Variants in SPG11 observed in about 807,000 individuals in gnomAD.
SPG11 encodes spatacsin.
A neutral mutation model predicts 274.0 loss-of-function variants in SPG11; 222 were observed. That is an observed-to-expected ratio of 0.81 (90% CI 0.73 to 0.91). The LOEUF (loss-of-function observed/expected upper bound fraction) is 0.91. Among genes scored for constraint, SPG11 ranks in the 40% least tolerant of loss-of-function variants. SPG11 has a pLI of 0.00. For synonymous variants in SPG11, 1,144 were observed against 1,039.7 expected (o/e 1.10, Z -1.93); for missense variants, 3,114 against 2,872.7 (o/e 1.08, Z -1.92).
At chr15:44,599,176 C>T (rs2083120504) in intron 21 of SPG11, among the ~76,000 whole-genome samples, 3 of 151,874 alleles carry the variant, frequency 2.0e-5, no homozygotes, top group Non-Finnish European at 2.9e-5. Flanking sequence ...ATACAAACTA[C>T]GAAGAATATC....
In SPG11 at chr15:44,584,267, G is replaced by A. The variant is rs1459039865; in HGVS notation, c.5413C>T (p.Arg1805Cys). 6.2e-6 allele frequency: 10 copies of A among 1,613,750 alleles called. No homozygotes were observed. The highest frequency in any genetic ancestry group is 4.0e-5 in the African/African-American group (3 of 74,874). ...EELEKQIWLC[R>C]ITQHTLGRNQ... Reference sequence around the variant, plus strand: ...CTTCCAAGAGTGTGCTGGGTGATGCGGCACAGCCAGATCTGCTTCTCCAGC... The same window carrying A: ...CTTCCAAGAGTGTGCTGGGTGATGCAGCACAGCCAGATCTGCTTCTCCAGC... Residue 1805 changes from arginine to cysteine, a missense_variant, in exon 30 of 40, where the codon CGC becomes TGC. Transcript: ENST00000261866.
At chr15:44,611,062 A>G (rs925351107) in intron 17 of SPG11, 77 bp from the exon 18 acceptor site, 6 of 1,279,856 alleles carry the variant, frequency 4.7e-6, no homozygotes, top group African/African-American at 3.0e-5. Flanking sequence ...TGTGAGAACA[A>G]TAACATAAAT....
intron 18 of SPG11, 92 bp downstream of exon 18, chr15:44,610,747 AT>A: frequency 8.2e-7 from 1 of 1,221,098 alleles, no homozygotes; most frequent in Non-Finnish European, 1.2e-6. Flanking sequence ...GAATATAGTT[AT>A]ATTTTAATAT....
chr15:44,618,279 C>G (rs2083641719), intron 15 of SPG11, among the ~76,000 whole-genome samples: 1 of 151,378 alleles, frequency 6.6e-6, no homozygotes, highest in Admixed American at 6.6e-5. Context: ...GAGGCCAAGG[C>G]AGGCGGATCA....
chr15:44,644,338 C>A (rs988972197), intron 7 of SPG11, among the ~76,000 whole-genome samples: 1 of 151,978 alleles, frequency 6.6e-6, no homozygotes, highest in Non-Finnish European at 1.5e-5. Flanking sequence ...AAACAAAAAC[C>A]ATTGCTTGCT....
At position 44,564,115 on chromosome 15, in the gene SPG11, C is replaced by G. The variant is rs1029777193; in HGVS notation, c.7151+432G>C. Among the ~76,000 whole-genome samples, 4 of 152,270 alleles carry G rather than the reference C, an allele frequency of 2.6e-5. No homozygotes were observed. In the East Asian group the frequency reaches 5.8e-4, roughly 22 times the overall value. On this transcript the variant is annotated intron_variant, in intron 39 of 39. Coordinates refer to ENST00000261866, the MANE Select transcript of SPG11 (RefSeq NM_025137.4). Reference sequence around the variant, plus strand: ...TCAAGTGATTCTCCTGCCTCAGCCTCCCGAGTAGCTGGGACTACAGGTGCC... The same window carrying G: ...TCAAGTGATTCTCCTGCCTCAGCCTGCCGAGTAGCTGGGACTACAGGTGCC...
intron 5 of SPG11, 72 bp from the exon 6 acceptor site, chr15:44,652,011 C>A (rs942098973): frequency 3.2e-6 from 5 of 1,558,976 alleles, no homozygotes; most frequent in African/African-American, 2.8e-5. Context: ...TAAACCAGGG[C>A]AAAGATGTTC....
At chr15:44,614,115 T>C (rs1252865586) in intron 16 of SPG11, among the ~76,000 whole-genome samples, 3 of 152,222 alleles carry the variant, frequency 2.0e-5, no homozygotes, top group Non-Finnish European at 4.4e-5. Context: ...TCAGAATACA[T>C]ACTTTGAAAA....
intron 18 of SPG11, among the ~76,000 whole-genome samples, chr15:44,610,152 C>T (rs764308288): frequency 6.6e-6 from 1 of 151,914 alleles, no homozygotes; most frequent in Non-Finnish European, 1.5e-5. Flanking sequence ...ATCCACTCGC[C>T]TTGGCCTCCC....
At chr15:44,615,940 C>T (rs2083582570) in intron 15 of SPG11, among the ~76,000 whole-genome samples, 1 of 152,074 alleles carries the variant, frequency 6.6e-6, no homozygotes. Context: ...AATCATCATG[C>T]TACATCAGAA....
Position 44,572,700 on chromosome 15 carries a change from T to C in SPG11, c.6326A>G (p.His2109Arg), listed in dbSNP as rs780979118. Residue 2109 changes from histidine (H) to arginine (R), a missense_variant, in exon 33 of 40, where the codon CAT (histidine) becomes CGT (arginine). His to Arg is a conservative substitution (Grantham distance 29). Coordinates refer to ENST00000261866, the MANE Select transcript of SPG11 (RefSeq NM_025137.4). ...TAACTTACTGCAAGACAGTTCCCCA[T>C]GGGGAACGGAGGAAATCTTATCCAA... ...KLLDKISSVP[H>R]GELSCTTELL... 6.2e-6 allele frequency: 10 copies of C among 1,613,952 alleles called. No individual in the cohort carries two copies. The Admixed American group carries it at 1.2e-4, about 19-fold the overall frequency.
chr15:44,602,598 C>T (rs2083223346), intron 20 of SPG11, among the ~76,000 whole-genome samples: 1 of 151,988 alleles, frequency 6.6e-6, no homozygotes, highest in Non-Finnish European at 1.5e-5. Context: ...CCTGCCTCAG[C>T]CTCCCAAGTA....
chr15:44,580,822 C>T (rs560219026), intron 30 of SPG11, among the ~76,000 whole-genome samples: 4 of 152,254 alleles, frequency 2.6e-5, no homozygotes, highest in Admixed American at 2.6e-4. Flanking sequence ...AACAAAACTT[C>T]AAGGACTTAA....
chr15:44,611,097 A>C, intron 17 of SPG11, 112 bp from the exon 18 acceptor site: 1 of 723,766 alleles, frequency 1.4e-6, no homozygotes, highest in South Asian at 2.1e-5. Flanking sequence ...CCAGTAAAAA[A>C]AAAAAAAAAA....
At chr15:44,608,315 C>T (rs1023069573) in intron 19 of SPG11, 129 bp downstream of exon 19, 7 of 1,013,522 alleles carry the variant, frequency 6.9e-6, no homozygotes, top group Non-Finnish European at 1.0e-5. Context: ...TTTGGTTTCC[C>T]CATTCTGCTA....
At chr15:44,600,351 C>T in intron 21 of SPG11, 116 bp downstream of exon 21, 1 of 1,124,974 alleles carries the variant, frequency 8.9e-7, no homozygotes, top group South Asian at 1.2e-5. Flanking sequence ...GTGGCATGAC[C>T]ATAGCTCACT....
At chr15:44,621,377 C>A in intron 14 of SPG11, 1 of 161,694 alleles carries the variant, frequency 6.2e-6, no homozygotes, top group South Asian at 1.8e-4. Flanking sequence ...TAATAGTAAG[C>A]CAGAATTTTA....
intron 30 of SPG11, among the ~76,000 whole-genome samples, chr15:44,583,449 A>G (rs1237155716): frequency 1.3e-5 from 2 of 152,186 alleles, no homozygotes; most frequent in Non-Finnish European, 2.9e-5. Context: ...CAAGAATGAA[A>G]CACCATCTCA....
rs1338213427 is a variant in SPG11 at position 44,620,329 on chromosome 15, A to G, written c.2695T>C (p.Trp899Arg). The change falls in exon 15 of 40, where the codon TGG becomes CGG. Residue 899 changes from tryptophan (W) to arginine (R), a missense_variant. Physicochemically the swap from Trp to Arg is moderately radical, Grantham distance 101. Coordinates refer to ENST00000261866, the MANE Select transcript of SPG11 (RefSeq NM_025137.4). Reference sequence around the variant, plus strand: ...TGCTGGGTTTGAAATTCTCCAATCCATAAGATAATGTTTAACCAATCATGG... The same window carrying G: ...TGCTGGGTTTGAAATTCTCCAATCCGTAAGATAATGTTTAACCAATCATGG... ...ARHDWLNIIL[W>R]IGEFQTQHSY... 3 of 1,614,132 alleles carry G rather than the reference A, an allele frequency of 1.9e-6. No individual in the cohort carries two copies. The highest frequency in any genetic ancestry group is 2.5e-6 in the Non-Finnish European group (3 of 1,180,010).
Sources: allele counts gnomAD v4.1 joint callset (sites outside exome capture counted in the v4.1 genomes callset), GRCh38; gene constraint gnomAD v4.1.1; transcripts MANE v1.5; gene names NCBI Gene and HGNC (gene_info 2026-07-23, HGNC 2026-07-21).